The following ACY3 variants were observed in gnomAD, a reference collection of about 807,000 sequenced individuals.
ACY3 encodes N-acyl-aromatic-L-amino acid amidohydrolase (carboxylate-forming).
A neutral mutation model predicts 24.6 loss-of-function variants in ACY3; 20 were observed. The observed-to-expected ratio is 0.81, with a 90% CI of 0.57 to 1.18. ACY3 has a LOEUF of 1.18. Among genes scored for constraint, ACY3 ranks in the 50% most tolerant of loss-of-function variants. The pLI is 0.00. For synonymous variants in ACY3, 174 were observed against 188.4 expected (o/e 0.92, Z 0.62); for missense variants, 423 against 426.8 (o/e 0.99, Z 0.08).
At chr11:67,646,012 C>G (rs540837029) in intron 3 of ACY3, 125 bp from the exon 4 acceptor site, 1 of 945,586 alleles carries the variant, frequency 1.1e-6, no homozygotes, top group Non-Finnish European at 1.6e-6. Flanking sequence ...GCTTTCCCTT[C>G]AGACGTTGTG....
At chr11:67,646,106 C>CTGCCTGCCCACT (rs1157854591) in intron 3 of ACY3, among the ~76,000 whole-genome samples, 2 of 152,206 alleles carry the variant, frequency 1.3e-5, no homozygotes, top group Non-Finnish European at 2.9e-5. Context: ...GCCCTCCCAC[C>CTGCCTGCCCACT]TGCCTGCCCA....
At chr11:67,644,141 T>C (rs1322554948) in intron 7 of ACY3, among the ~76,000 whole-genome samples, 3 of 152,118 alleles carry the variant, frequency 2.0e-5, no homozygotes, top group Non-Finnish European at 4.4e-5. Flanking sequence ...TGGTGCTGCC[T>C]CCATTTGTAA....
Position 67,647,014 on chromosome 11 carries a change from G to A in ACY3, c.30C>T (p.Pro10=). MCSLPVPRE[P]LRRVAVTGGT... is the part of the protein sequence containing the mutation. ...CCCCAGTCACAGCCACGCGACGCAGGGGCTCCCGGGGCACAGGCAGTGAGC... is the reference window on the plus strand; with the variant it reads ...CCCCAGTCACAGCCACGCGACGCAGAGGCTCCCGGGGCACAGGCAGTGAGC... Residue 10 remains proline, a synonymous_variant, in exon 3 of 8, where the codon CCC becomes CCT. Transcript: ENST00000255082. 7.8e-6 allele frequency: 12 copies of A among 1,547,142 alleles called. No individual in the cohort carries two copies. Among genetic ancestry groups the A allele is most frequent in the Non-Finnish European group, 1.0e-5 (12 of 1,143,992 alleles).
At chr11:67,649,165 C>T (rs879075263) in intron 1 of ACY3, among the ~76,000 whole-genome samples, 2 of 152,104 alleles carry the variant, frequency 1.3e-5, no homozygotes, top group Non-Finnish European at 2.9e-5. Context: ...TGGGTCTGTT[C>T]CTTCCTTGCT....
intron 1 of ACY3, among the ~76,000 whole-genome samples, chr11:67,650,006 G>A (rs1855598755): frequency 6.6e-6 from 1 of 152,238 alleles, no homozygotes; most frequent in African/African-American, 2.4e-5. Context: ...GTGACCTGGA[G>A]AGATTCAGTG....
chr11:67,646,671 G>A lies in ACY3; in HGVS notation c.236+137C>T, dbSNP rs146490899. On this transcript the variant is annotated intron_variant, in intron 3 of 7. Transcript: ENST00000255082. ...TTTCTCTAAATGTTCGGTTTGTCCC[G>A]TGGAGGAATGGGCCACATAGGCAGA... The A allele has an allele frequency of 1.8e-3, 1,589 of 868,800 alleles. 2 individuals carry two copies. The highest frequency in any genetic ancestry group is 2.5e-3 in the Non-Finnish European group (1,365 of 541,444). The allele number at this position is 868,800 out of a possible 1,614,324, so 53.8% of individuals were successfully genotyped here.
intron 2 of ACY3, 54 bp from the exon 3 acceptor site, chr11:67,647,117 C>T (rs2134111818): frequency 7.6e-7 from 1 of 1,323,332 alleles, no homozygotes; most frequent in African/African-American, 1.5e-5. Flanking sequence ...GATCTGGGCT[C>T]AGGGCAAGGA....
At chr11:67,646,497 A>T (rs1019870116) in intron 3 of ACY3, among the ~76,000 whole-genome samples, 4 of 152,206 alleles carry the variant, frequency 2.6e-5, no homozygotes, top group Non-Finnish European at 5.9e-5. Context: ...CATTGGAAGG[A>T]GGCATGAACA....
intron 1 of ACY3, among the ~76,000 whole-genome samples, chr11:67,649,782 C>T (rs994124002): frequency 3.6e-4 from 50 of 138,268 alleles, no homozygotes; most frequent in South Asian, 2.3e-4. Context: ...TGCGTGTGTA[C>T]GTGTGTGCAT....
At chr11:67,646,677 G>T in intron 3 of ACY3, 131 bp downstream of exon 3, 1 of 895,764 alleles carries the variant, frequency 1.1e-6, no homozygotes, top group Non-Finnish European at 1.8e-6. Context: ...TCCCGTGGAG[G>T]AATGGGCCAC....
intron 7 of ACY3, 105 bp from the exon 8 acceptor site, chr11:67,643,044 T>A: frequency 2.1e-6 from 2 of 966,924 alleles, no homozygotes; most frequent in Non-Finnish European, 3.2e-6. Flanking sequence ...CATTCATGGC[T>A]TTTCCCACCC....
chr11:67,645,993 C>G, intron 3 of ACY3, 106 bp from the exon 4 acceptor site: 1 of 1,125,968 alleles, frequency 8.9e-7, no homozygotes, highest in South Asian at 1.6e-5. Context: ...CTGAGCAGCT[C>G]GAGCGAGGGC....
chr11:67,649,150 C>G (rs146803476), intron 1 of ACY3, among the ~76,000 whole-genome samples: 3 of 152,152 alleles, frequency 2.0e-5, no homozygotes, highest in Non-Finnish European at 2.9e-5. Flanking sequence ...AGGAGCCTGT[C>G]GGCCTGGGTC....
At position 67,642,683 on chromosome 11, in the gene ACY3, G is replaced by A. The variant is rs199948169; in HGVS notation, c.*41C>T. The A allele has an allele frequency of 4.1e-5, 65 of 1,591,186 alleles. No individual in the cohort carries two copies. The East Asian group carries it at 6.7e-4, about 16-fold the overall frequency. Reference sequence around the variant, plus strand: ...TCAGAGCTGTGCCTCAGGACCCATCGTTCAGATGGGAAGACTGAGGTTGGG... The same window carrying A: ...TCAGAGCTGTGCCTCAGGACCCATCATTCAGATGGGAAGACTGAGGTTGGG... On this transcript the variant is annotated 3_prime_UTR_variant, in exon 8 of 8. Transcript: ENST00000255082.
intron 2 of ACY3, 64 bp from the exon 3 acceptor site, chr11:67,647,127 A>G: frequency 1.6e-6 from 2 of 1,226,058 alleles, no homozygotes; most frequent in Non-Finnish European, 2.2e-6. Flanking sequence ...CAGGGCAAGG[A>G]TGGCGGTGGG....
Position 67,642,587 on chromosome 11 carries a change from T to C in ACY3, c.*137A>G, listed in dbSNP as rs947767665. 1.2e-5 allele frequency: 10 copies of C among 852,480 alleles called. No homozygotes were observed. Among genetic ancestry groups the C allele is most frequent in the Middle Eastern group, 3.3e-4 (1 of 2,996 alleles). 52.8% of individuals were successfully genotyped at this position (852,480 alleles called of 1,614,324 possible). A position where few individuals can be genotyped will look rare whatever the true frequency, so the allele number is the denominator to read the frequency against. Reference sequence around the variant, plus strand: ...ATCTTCCATTTTATAGAAAGGGAAATTGAGGCCAGGGGTTGGGGAGGCCTG... The same window carrying C: ...ATCTTCCATTTTATAGAAAGGGAAACTGAGGCCAGGGGTTGGGGAGGCCTG... On this transcript the variant is annotated 3_prime_UTR_variant, in exon 8 of 8. Coordinates refer to ENST00000255082, the MANE Select transcript of ACY3 (RefSeq NM_080658.2).
At chr11:67,645,483 G>A (rs969163417) in intron 4 of ACY3, 103 bp from the exon 5 acceptor site, 11 of 1,346,854 alleles carry the variant, frequency 8.2e-6, no homozygotes, top group Middle Eastern at 2.4e-4. Flanking sequence ...ACCCTCCTTG[G>A]CCAGGTCTCC....
chr11:67,647,374 A>C, intron 2 of ACY3, 142 bp downstream of exon 2: 1 of 258,538 alleles, frequency 3.9e-6, no homozygotes, highest in South Asian at 1.4e-4. Flanking sequence ...AGACAGGGAA[A>C]CTGAGGCACA....
intron 4 of ACY3, 25 bp downstream of exon 4, chr11:67,645,667 G>T: frequency 6.3e-7 from 1 of 1,578,434 alleles, no homozygotes; most frequent in Non-Finnish European, 8.6e-7. Context: ...CCTCTGGGGA[G>T]CTGTGTGCTT....
Sources: gnomAD v4.1 joint callset for allele counts (sites outside exome capture counted in the v4.1 genomes callset) on GRCh38, gnomAD v4.1.1 for gene constraint, MANE v1.5 for transcripts, NCBI Gene and HGNC (gene_info 2026-07-23, HGNC 2026-07-21) for gene names.